Variants in CNTFR observed in about 807,000 individuals in gnomAD.
CNTFR encodes the protein ciliary neurotrophic factor receptor subunit alpha.
CNTFR carries 12 observed loss-of-function variants against 40.4 expected under a neutral mutation model. The ratio of observed to expected loss-of-function variants is 0.30; its 90% CI spans 0.19 to 0.48. The LOEUF (loss-of-function observed/expected upper bound fraction) is 0.48. Ranked by LOEUF, CNTFR falls within the 20% of genes least tolerant of loss-of-function variation. The probability of loss-of-function intolerance (pLI) is 0.99; values close to 1 mark genes in which losing one functional copy is unlikely to be tolerated. For synonymous variants in CNTFR, 202 were observed against 209.6 expected (o/e 0.96, Z 0.31); for missense variants, 414 against 506.8 (o/e 0.82, Z 1.76).
At chr9:34,588,621 C>A (rs1327656491) in intron 1 of CNTFR, among the ~76,000 whole-genome samples, 1 of 152,116 alleles carries the variant, frequency 6.6e-6, no homozygotes, top group Admixed American at 6.5e-5. Flanking sequence ...AAAAGAGAGA[C>A]TAGACGGAAA....
upstream of CNTFR, chr9:34,589,842 TC>T (rs1827706481): frequency 8.4e-6 from 1 of 119,498 alleles, no homozygotes; most frequent in African/African-American, 3.2e-5. The surrounding 1 kb of genome is among the most constrained non-coding windows in gnomAD (Gnocchi z 4.4). Context: ...GCGCGCGCCC[TC>T]GCTCCCCTCC....
intron 2 of CNTFR, among the ~76,000 whole-genome samples, chr9:34,579,895 C>A (rs1827199679): frequency 6.6e-6 from 1 of 152,106 alleles, no homozygotes; most frequent in Non-Finnish European, 1.5e-5. Context: ...CTCCTTGGCC[C>A]CCACAGAAGC....
chr9:34,564,953 T>G (rs1826222578), intron 3 of CNTFR, 121 bp from the exon 4 acceptor site: 1 of 765,370 alleles, frequency 1.3e-6, no homozygotes, highest in African/African-American at 1.7e-5. Flanking sequence ...AGGCTCGGTG[T>G]CTGTGTGAGT....
chr9:34,556,587 C>T (rs1477020337), intron 6 of CNTFR, among the ~76,000 whole-genome samples, 169 bp from the exon 7 acceptor site: 1 of 152,168 alleles, frequency 6.6e-6, no homozygotes, highest in African/African-American at 2.4e-5. Context: ...AGACAACTAT[C>T]TCATTAGTTC....
At chr9:34,588,501 T>TA (rs1207456068) in intron 1 of CNTFR, among the ~76,000 whole-genome samples, 1 of 152,064 alleles carries the variant, frequency 6.6e-6, no homozygotes, top group African/African-American at 2.4e-5. Flanking sequence ...CACCAAGTAT[T>TA]ACAGGCAGAA....
upstream of CNTFR, among the ~76,000 whole-genome samples, chr9:34,590,692 G>A (rs1437570815): frequency 6.6e-6 from 1 of 152,172 alleles, no homozygotes; most frequent in Non-Finnish European, 1.5e-5. Flanking sequence ...GGGCACAGGC[G>A]CACCCCTCGA....
At chr9:34,562,704 G>A (rs1826120589) in intron 4 of CNTFR, among the ~76,000 whole-genome samples, 1 of 152,224 alleles carries the variant, frequency 6.6e-6, no homozygotes, top group South Asian at 2.1e-4. Flanking sequence ...GGCCAGAGGA[G>A]CTTGAATCAT....
At chr9:34,558,744 G>C (rs1390867334) in intron 4 of CNTFR, among the ~76,000 whole-genome samples, 3 of 152,164 alleles carry the variant, frequency 2.0e-5, no homozygotes, top group African/African-American at 7.2e-5. Context: ...CTCCATCGCA[G>C]ACCCTTTAAG....
At chr9:34,588,025 G>A (rs143802466) in intron 1 of CNTFR, among the ~76,000 whole-genome samples, 1 of 152,286 alleles carries the variant, frequency 6.6e-6, no homozygotes, top group East Asian at 1.9e-4. Context: ...GTCCCAGTGT[G>A]CATCTGAGTA....
intron 4 of CNTFR, among the ~76,000 whole-genome samples, chr9:34,561,976 G>A (rs1826094253): frequency 6.6e-6 from 1 of 152,176 alleles, no homozygotes; most frequent in Non-Finnish European, 1.5e-5. Flanking sequence ...TCTGGGCCCT[G>A]GTCACAACAG....
chr9:34,556,406 G>A lies in CNTFR; in HGVS notation c.617C>T (p.Pro206Leu). 6.2e-7 allele frequency: 1 copy of A among 1,610,584 alleles called. No homozygotes were observed. Among genetic ancestry groups the A allele is most frequent in the Non-Finnish European group, 8.5e-7 (1 of 1,178,010 alleles). The change falls in exon 7 of 10, where the codon CCT becomes CTT. Residue 206 changes from proline to leucine, a missense_variant. Physicochemically the swap from Pro to Leu is moderately conservative, Grantham distance 98. Around this residue, in one of 3 missense-constraint regions of CNTFR, gnomAD observed 83 missense variants for 145.0 expected, o/e 0.57. Coordinates refer to ENST00000378980, the MANE Select transcript of CNTFR (RefSeq NM_147164.3). ...FDEFTIVKPDPPENVVARPVP... is the reference protein window; with the variant it reads ...FDEFTIVKPDLPENVVARPVP... Reference sequence around the variant, plus strand: ...TGGCCGGGCTACCACATTTTCTGGAGGATCAGGCTTCACTGTTCAGGAGAC... The same window carrying A: ...TGGCCGGGCTACCACATTTTCTGGAAGATCAGGCTTCACTGTTCAGGAGAC...
intron 2 of CNTFR, among the ~76,000 whole-genome samples, chr9:34,573,363 T>C (rs1587152697): frequency 1.3e-5 from 2 of 152,094 alleles, no homozygotes; most frequent in African/African-American, 2.4e-5. Context: ...TGTGTGCGGG[T>C]TGATCTGTAA....
chr9:34,578,281 G>GAGCA (rs1564073386), intron 2 of CNTFR, among the ~76,000 whole-genome samples: 1 of 152,226 alleles, frequency 6.6e-6, no homozygotes, highest in Non-Finnish European at 1.5e-5. Context: ...ACGAGCAAGC[G>GAGCA]AGCAAGCGAG....
intron 4 of CNTFR, among the ~76,000 whole-genome samples, chr9:34,563,562 C>A (rs1826157650): frequency 1.3e-5 from 2 of 152,250 alleles, no homozygotes; most frequent in Admixed American, 6.5e-5. Context: ...ACCTGCCAAA[C>A]AAACTACTTG....
At chr9:34,568,760 T>C in intron 3 of CNTFR, 137 bp downstream of exon 3, 1 of 736,880 alleles carries the variant, frequency 1.4e-6, no homozygotes, top group Non-Finnish European at 2.3e-6. Flanking sequence ...GTCACATGAC[T>C]CCATGTCCCT....
At chr9:34,572,579 C>T (rs1240797611) in intron 2 of CNTFR, among the ~76,000 whole-genome samples, 1 of 152,184 alleles carries the variant, frequency 6.6e-6, no homozygotes, top group Non-Finnish European at 1.5e-5. Flanking sequence ...GTCCCTGCAC[C>T]TCTCCCAGCA....
At chr9:34,568,569 C>T (rs1564066332) in intron 3 of CNTFR, among the ~76,000 whole-genome samples, 1 of 152,124 alleles carries the variant, frequency 6.6e-6, no homozygotes, top group Non-Finnish European at 1.5e-5. Flanking sequence ...CCACAAATCT[C>T]CGAGAGATCC....
At chr9:34,556,191 G>T (rs555877026) in intron 7 of CNTFR, 64 bp downstream of exon 7, 3 of 1,524,066 alleles carry the variant, frequency 2.0e-6, no homozygotes, top group African/African-American at 2.7e-5. Context: ...TGGGATATGG[G>T]TGCCACTCAC....
chr9:34,577,925 G>A (rs1417471082), intron 2 of CNTFR, among the ~76,000 whole-genome samples: 2 of 151,200 alleles, frequency 1.3e-5, no homozygotes, highest in Non-Finnish European at 3.0e-5. Context: ...GCGCCGAGGC[G>A]GGCTGGGCGG....
Sources: gnomAD v4.1 joint callset for allele counts (sites outside exome capture counted in the v4.1 genomes callset) on GRCh38, gnomAD v4.1.1 for gene constraint, gnomAD v4.1.1 regional missense constraint, Gnocchi (gnomAD v3.1) non-coding constraint, MANE v1.5 for transcripts, NCBI Gene and HGNC (gene_info 2026-07-23, HGNC 2026-07-21) for gene names.